Variants in CHID1 observed in about 807,000 individuals in gnomAD.
CHID1 encodes the protein chitinase domain containing 1.
In CHID1, 44 loss-of-function variants were observed where a neutral mutation model predicts 55.4. The ratio of observed to expected loss-of-function variants is 0.79; its 90% CI spans 0.62 to 1.02. The LOEUF is 1.02. CHID1 is among the 50% of genes least tolerant of loss of function. CHID1 has a pLI of 0.00. For synonymous variants in CHID1, 216 were observed against 212.9 expected, an observed-to-expected ratio of 1.01 and a Z score of -0.13; for missense variants, 491 against 515.3, an observed-to-expected ratio of 0.95 and a Z score of 0.46.
At chr11:899,488 T>C (rs1222956188) in intron 6 of CHID1, 87 bp from the exon 7 acceptor site, 2 of 1,276,652 alleles carry the variant, frequency 1.6e-6, no homozygotes, top group East Asian at 2.5e-5. Flanking sequence ...TCGGCCCACA[T>C]GGTCAGGTTG....
chr11:908,933 G>C (rs1852433110), intron 1 of CHID1, among the ~76,000 whole-genome samples: 1 of 152,256 alleles, frequency 6.6e-6, no homozygotes, highest in African/African-American at 2.4e-5. Flanking sequence ...GTGTCCAGCA[G>C]AGGGGACACT....
intron 10 of CHID1, among the ~76,000 whole-genome samples, chr11:876,838 C>T (rs1849553519): frequency 6.6e-6 from 1 of 152,228 alleles, no homozygotes; most frequent in Admixed American, 6.5e-5. Context: ...TAGGCAGGGA[C>T]AGACAGGGCA....
At chr11:909,651 A>C (rs1326062301) in intron 1 of CHID1, among the ~76,000 whole-genome samples, 1 of 151,804 alleles carries the variant, frequency 6.6e-6, no homozygotes, top group Non-Finnish European at 1.5e-5. Flanking sequence ...GACAGCAGCC[A>C]ATCAGAGCTA....
In CHID1 at chr11:869,008, G is replaced by T. The variant is rs1400539647; in HGVS notation, c.*850C>A. 1 of 152,398 alleles carries T rather than the reference G, an allele frequency of 6.6e-6. No individual in the cohort carries two copies. The highest frequency in any genetic ancestry group is 2.4e-5 in the African/African-American group (1 of 41,464). The allele number at this position is 152,398 out of a possible 1,614,324, so 9.4% of individuals were successfully genotyped here. A position where few individuals can be genotyped will look rare whatever the true frequency, so the allele number is the denominator to read the frequency against. On this transcript the variant is annotated 3_prime_UTR_variant, in exon 13 of 13. Transcript: ENST00000323578. Reference sequence around the variant, plus strand: ...GGGGCAGGGGAACGAGGGCCACCAGGCCTTGGCTCATGATGCCTCCAAATT... The same window carrying T: ...GGGGCAGGGGAACGAGGGCCACCAGTCCTTGGCTCATGATGCCTCCAAATT...
intron 10 of CHID1, among the ~76,000 whole-genome samples, chr11:872,119 C>T (rs1179825968): frequency 1.3e-5 from 2 of 152,208 alleles, no homozygotes; most frequent in East Asian, 1.9e-4. Flanking sequence ...TGGGAAACAG[C>T]ATTCGGGCAG....
intron 8 of CHID1, among the ~76,000 whole-genome samples, chr11:887,411 G>GGCA (rs1165534303): frequency 6.6e-6 from 1 of 152,084 alleles, no homozygotes; most frequent in Non-Finnish European, 1.5e-5. Flanking sequence ...CAGTGGTGTG[G>GGCA]GCAGCATCGT....
intron 10 of CHID1, chr11:882,538 C>T (rs1267721822): frequency 6.6e-6 from 1 of 152,612 alleles, no homozygotes; most frequent in East Asian, 1.9e-4. Context: ...AAAATGAAGA[C>T]ACGTCAATAA....
chr11:900,839 G>C, intron 5 of CHID1, 97 bp downstream of exon 5: 1 of 1,014,670 alleles, frequency 9.9e-7, no homozygotes, highest in Non-Finnish European at 1.4e-6. Context: ...CAGCAGCACA[G>C]CCGGGTGATC....
intron 6 of CHID1, 99 bp downstream of exon 6, chr11:899,905 C>T: frequency 2.5e-6 from 2 of 798,010 alleles, no homozygotes; most frequent in South Asian, 1.5e-5. Context: ...GGGCAGAAGA[C>T]AGAAAAGCCG....
In CHID1 at chr11:875,487, T is replaced by C. The variant is rs1186115208; in HGVS notation, c.960-4988A>G. On this transcript the variant is annotated intron_variant, in intron 10 of 12. Coordinates refer to ENST00000323578, the MANE Select transcript of CHID1 (RefSeq NM_023947.4). This position sits in a 1 kb window ranked among gnomAD's most constrained non-coding sequence, Gnocchi z 4.7. ...CCAAGGCTCCCAGAGGCACAAGCTG[T>C]AGACACTGAGGGCCCCGGGTGTGGA... 2.0e-5 allele frequency among the ~76,000 whole-genome samples: 3 copies of C among 152,166 alleles called. No individual in the cohort carries two copies. Among genetic ancestry groups the C allele is most frequent in the African/African-American group, 7.2e-5 (3 of 41,450 alleles).
chr11:900,227 G>A (rs1851707344), intron 5 of CHID1, 117 bp from the exon 6 acceptor site: 1 of 757,354 alleles, frequency 1.3e-6, no homozygotes, highest in Non-Finnish European at 2.2e-6. Context: ...AGACCAGACA[G>A]TGAGGGGCAG....
chr11:892,088 C>T (rs1052989007), intron 8 of CHID1, among the ~76,000 whole-genome samples: 1 of 152,036 alleles, frequency 6.6e-6, no homozygotes, highest in African/African-American at 2.4e-5. Flanking sequence ...GCACTCCAGC[C>T]TGGGCGACAG....
rs368780722 is a variant in CHID1 at position 910,793 on chromosome 11, G to C, written c.-62C>G. On this transcript the variant is annotated 5_prime_UTR_variant, in exon 1 of 13. Coordinates refer to ENST00000323578, the MANE Select transcript of CHID1 (RefSeq NM_023947.4). ...GGCTCACCTGCATGTCAGGGAGGCC[G>C]GACGGCCACAAACGCACGGCCGGAA... The C allele has an allele frequency of 7.1e-6, 8 of 1,119,934 alleles. No homozygotes were observed. Among genetic ancestry groups the C allele is most frequent in the Admixed American group, 5.4e-5 (1 of 18,460 alleles). The allele number at this position is 1,119,934 out of a possible 1,614,324, so 69.4% of individuals were successfully genotyped here. A position where few individuals can be genotyped will look rare whatever the true frequency, so the allele number is the denominator to read the frequency against.
upstream of CHID1, among the ~76,000 whole-genome samples, chr11:912,158 C>G (rs1407916885): frequency 6.6e-6 from 1 of 152,124 alleles, no homozygotes; most frequent in Non-Finnish European, 1.5e-5. Flanking sequence ...CCTGTCTCTA[C>G]TAAAAATACA....
intron 7 of CHID1, among the ~76,000 whole-genome samples, chr11:894,987 G>C (rs1031946772): frequency 6.6e-6 from 1 of 152,174 alleles, no homozygotes; most frequent in South Asian, 2.1e-4. Context: ...TCAGTGGGGA[G>C]CAGTGTCTTT....
chr11:882,910 GC>G (rs1565171943), intron 10 of CHID1: 1 of 466,384 alleles, frequency 2.1e-6, no homozygotes, highest in African/African-American at 2.3e-5. Context: ...CCAGCCTCAC[GC>G]AGATGTGGGG....
chr11:873,076 A>G (rs1233487797), intron 10 of CHID1, among the ~76,000 whole-genome samples: 1 of 152,116 alleles, frequency 6.6e-6, no homozygotes, highest in African/African-American at 2.4e-5. Flanking sequence ...GGCCCTGGGG[A>G]CGAGGAGAAG....
Position 870,503 on chromosome 11 carries a change from G to A in CHID1, c.960-4C>T. 3.1e-6 allele frequency: 5 copies of A among 1,604,164 alleles called. No individual in the cohort carries two copies. The highest frequency in any genetic ancestry group is 3.7e-4 in the Middle Eastern group (2 of 5,412). ...GTCCTTCAGTGTCTGGATGTACCTG[G>A]GGAGACCAGGATATGGATTTGGGAG... On this transcript the variant is annotated splice_polypyrimidine_tract_variant and splice_region_variant and intron_variant, in intron 10 of 12. Transcript: ENST00000323578.
chr11:914,464 C>G (rs1386734121), upstream of CHID1: 1 of 1,203,272 alleles, frequency 8.3e-7, no homozygotes, highest in Non-Finnish European at 1.1e-6. Flanking sequence ...AGGAGGCCTG[C>G]AGAGATGAGT....
Sources: allele counts gnomAD v4.1 joint callset (sites outside exome capture counted in the v4.1 genomes callset), GRCh38; gene constraint gnomAD v4.1.1; non-coding constraint Gnocchi (gnomAD v3.1); transcripts MANE v1.5; gene names NCBI Gene and HGNC (gene_info 2026-07-23, HGNC 2026-07-21).